Variants in DNAH7 observed in about 807,000 individuals in gnomAD.
DNAH7 encodes dynein axonemal heavy chain 7.
DNAH7 carries 397 observed loss-of-function variants against 444.6 expected under a neutral mutation model. The observed-to-expected ratio is 0.89, with a 90% confidence interval of 0.82 to 0.97. DNAH7 has a LOEUF of 0.97. Among genes scored for constraint, DNAH7 ranks in the 50% least tolerant of loss-of-function variants. The pLI is 0.00. For missense variants in DNAH7, 4,902 were observed against 4,800.8 expected, an observed-to-expected ratio of 1.02 and a Z score of -0.62; for synonymous variants, 1,636 against 1,624.4, an observed-to-expected ratio of 1.01 and a Z score of -0.17.
intron 36 of DNAH7, among the ~76,000 whole-genome samples, chr2:195,879,377 C>T (rs1701242542): frequency 1.3e-5 from 2 of 152,118 alleles, no homozygotes; most frequent in African/African-American, 4.8e-5. Context: ...TTGCTTACGT[C>T]ATATATAGAG....
chr2:195,846,675 G>A (rs112143762), intron 46 of DNAH7, among the ~76,000 whole-genome samples: 6 of 152,260 alleles, frequency 3.9e-5, no homozygotes, highest in African/African-American at 1.4e-4. Context: ...GCTGGGAAAG[G>A]CAGACCCACC....
intron 51 of DNAH7, among the ~76,000 whole-genome samples, chr2:195,810,639 T>C (rs142718960): frequency 6.3e-4 from 96 of 151,718 alleles, no homozygotes; most frequent in South Asian, 1.7e-3. Flanking sequence ...TTTTTTTTTT[T>C]CCCACTTTTC....
chr2:195,832,998 C>T (rs1353817554), intron 48 of DNAH7, among the ~76,000 whole-genome samples: 2 of 152,178 alleles, frequency 1.3e-5, no homozygotes, highest in South Asian at 2.1e-4. Context: ...AGGAAGGTCA[C>T]TGAAGCAAAC....
At chr2:195,975,341 C>G (rs1371315234) in intron 15 of DNAH7, among the ~76,000 whole-genome samples, 1 of 151,802 alleles carries the variant, frequency 6.6e-6, no homozygotes, top group Non-Finnish European at 1.5e-5. Flanking sequence ...CCAACATGCA[C>G]AGACCTCAGC....
At chr2:195,788,955 G>A (rs541856094) in intron 57 of DNAH7, among the ~76,000 whole-genome samples, 1 of 152,290 alleles carries the variant, frequency 6.6e-6, no homozygotes, top group Admixed American at 6.5e-5. Flanking sequence ...TCCACTGAAA[G>A]AGTCAAGAAA....
At chr2:196,023,694 A>T (rs1519618) in intron 8 of DNAH7, among the ~76,000 whole-genome samples, 45 of 152,182 alleles carry the variant, frequency 3.0e-4, no homozygotes, top group African/African-American at 1.1e-3. Context: ...CATGTGTTCA[A>T]TGGAATAGCA....
chr2:196,017,969 G>T, intron 9 of DNAH7, among the ~76,000 whole-genome samples: 1 of 152,144 alleles, frequency 6.6e-6, no homozygotes, highest in South Asian at 2.1e-4. Context: ...TAATTTCAGA[G>T]TATCGAAGGA....
intron 17 of DNAH7, among the ~76,000 whole-genome samples, chr2:195,964,609 G>A (rs1216762263): frequency 1.4e-5 from 2 of 141,490 alleles, no homozygotes; most frequent in East Asian, 2.1e-4. Context: ...GCTCACGCCT[G>A]TAATCCCAGC....
In DNAH7 at chr2:195,853,455, C is replaced by T. The variant is rs1699509108; in HGVS notation, c.8669G>A (p.Trp2890Ter). ...IGGLGGEKTR[W>*]SHTALELGQL... The stretch of plus-strand genomic sequence containing the variant: ...ACCTAGCTCCAGAGCTGTGTGGCTC[C>T]ATCGAGTTTTCTCACCTCCAAGGCC... The change falls in exon 46 of 65, where the codon TGG (tryptophan) becomes TAG (stop). Residue 2890 changes from tryptophan to a stop codon, truncating the protein, a stop_gained. Transcript: ENST00000312428. LOFTEE classifies it high-confidence loss of function. The T allele has an allele frequency of 6.2e-7, 1 of 1,613,952 alleles. No homozygotes were observed. Among genetic ancestry groups the T allele is most frequent in the African/African-American group, 1.3e-5 (1 of 74,904 alleles).
At chr2:195,755,405 C>CT (rs1192223891) in intron 62 of DNAH7, among the ~76,000 whole-genome samples, 1 of 152,172 alleles carries the variant, frequency 6.6e-6, no homozygotes, top group East Asian at 1.9e-4. Context: ...TGAATACCAA[C>CT]TTTAACTAGA....
chr2:195,771,743 CA>C lies in DNAH7; in HGVS notation c.11349del (p.Val3784TyrfsTer13). The stretch of plus-strand genomic sequence containing the variant: ...AACCGTCCCATCTCTTGGACAAGTA[CA>C]GTGTTCATGCTCTGAGTATAAGTTG... ...YPTTYTQSMN[T>X]VLVQEMGRFN... On this transcript the variant is annotated frameshift_variant, in exon 61 of 65. Transcript: ENST00000312428. LOFTEE classifies it high-confidence loss of function. The C allele has an allele frequency of 6.2e-7, 1 of 1,614,138 alleles. No homozygotes were observed. The highest frequency in any genetic ancestry group is 8.5e-7 in the Non-Finnish European group (1 of 1,180,034).
chr2:195,739,997 T>G (rs1165268576), intron 64 of DNAH7, among the ~76,000 whole-genome samples: 1 of 152,170 alleles, frequency 6.6e-6, no homozygotes, highest in Non-Finnish European at 1.5e-5. Context: ...TTTGTTTTGT[T>G]TTGGAGATGG....
At chr2:195,987,652 A>AT in intron 13 of DNAH7, among the ~76,000 whole-genome samples, 1 of 152,218 alleles carries the variant, frequency 6.6e-6, no homozygotes, top group South Asian at 2.1e-4. Context: ...AATCCACAGG[A>AT]TTTATAAACA....
chr2:196,056,501 G>A (rs1051927020), intron 2 of DNAH7, among the ~76,000 whole-genome samples: 5 of 151,960 alleles, frequency 3.3e-5, no homozygotes, highest in Admixed American at 2.6e-4. Context: ...GGGACTCTAG[G>A]AAGAGCCCAC....
chr2:196,050,657 G>T (rs890942560), intron 3 of DNAH7, among the ~76,000 whole-genome samples: 1 of 152,082 alleles, frequency 6.6e-6, no homozygotes, highest in African/African-American at 2.4e-5. Context: ...AACTTGTACA[G>T]GGCTTTATCA....
chr2:195,961,223 C>T (rs960722597), intron 17 of DNAH7, among the ~76,000 whole-genome samples: 5 of 152,090 alleles, frequency 3.3e-5, no homozygotes, highest in African/African-American at 1.2e-4. Flanking sequence ...TACATTACCT[C>T]ACACACTGAT....
intron 36 of DNAH7, among the ~76,000 whole-genome samples, chr2:195,880,604 C>T (rs1701322489): frequency 6.6e-6 from 1 of 152,136 alleles, no homozygotes; most frequent in Admixed American, 6.5e-5. Context: ...TCCCAAAGTG[C>T]TGGGATTACA....
chr2:196,050,649 C>A (rs566310955), intron 3 of DNAH7, among the ~76,000 whole-genome samples: 1 of 152,270 alleles, frequency 6.6e-6, no homozygotes, highest in South Asian at 2.1e-4. Flanking sequence ...TAAAATCTAA[C>A]TTGTACAGGG....
In DNAH7 at chr2:195,864,930, T is replaced by G; in HGVS notation, c.6725A>C (p.Tyr2242Ser). Residue 2242 changes from tyrosine to serine, a missense_variant, in exon 41 of 65, where the codon TAT becomes TCT. By Grantham distance (144) the Tyr-to-Ser change is moderately radical (BLOSUM62 -2). Coordinates refer to ENST00000312428, the MANE Select transcript of DNAH7 (RefSeq NM_018897.3). ...CTGAAAAAGCTCATGAAAATCTTCA[T>G]ACATGTAGTTTCTCAAAATTTCTTG... Reference protein sequence around the residue: ...YIQEILRNYMYEDFHELFQRL... With the variant: ...YIQEILRNYMSEDFHELFQRL... 1 of 1,611,974 alleles carries G rather than the reference T, an allele frequency of 6.2e-7. No individual in the cohort carries two copies. Among genetic ancestry groups the G allele is most frequent in the Non-Finnish European group, 8.5e-7 (1 of 1,179,992 alleles).
Sources: allele counts gnomAD v4.1 joint callset (sites outside exome capture counted in the v4.1 genomes callset), GRCh38; gene constraint gnomAD v4.1.1; transcripts MANE v1.5; gene names NCBI Gene and HGNC (gene_info 2026-07-23, HGNC 2026-07-21).